Variants in IGSF21 observed in about 807,000 individuals in gnomAD.
IGSF21 encodes immunoglobin superfamily member 21.
In IGSF21, 28 loss-of-function variants were observed where a neutral mutation model predicts 46.8. That is an observed-to-expected ratio of 0.60 (90% confidence interval 0.44 to 0.82). The LOEUF is 0.82. Ranked by LOEUF, IGSF21 falls within the 40% of genes least tolerant of loss-of-function variation. IGSF21 has a pLI of 0.00. For missense variants in IGSF21, 624 were observed against 665.5 expected, an observed-to-expected ratio of 0.94 and a Z score of 0.69; for synonymous variants, 284 against 273.6, an observed-to-expected ratio of 1.04 and a Z score of -0.38.
At chr1:18,186,440 G>A (rs754320392) in intron 1 of IGSF21, among the ~76,000 whole-genome samples, 34 of 152,182 alleles carry the variant, frequency 2.2e-4, no homozygotes, top group African/African-American at 7.2e-4. Context: ...TTCACCCTCC[G>A]TGGCTAGTCA....
At chr1:18,371,162 C>A (rs897390344) in intron 6 of IGSF21, among the ~76,000 whole-genome samples, 1 of 152,150 alleles carries the variant, frequency 6.6e-6, no homozygotes, top group Admixed American at 6.5e-5. Context: ...ATCTAAATGT[C>A]CATAATTAGA....
intron 1 of IGSF21, among the ~76,000 whole-genome samples, chr1:18,183,039 C>G (rs1032593450): frequency 6.6e-6 from 1 of 152,186 alleles, no homozygotes; most frequent in Non-Finnish European, 1.5e-5. Context: ...CACCCTGCCC[C>G]CTCCTGGGCC....
intron 2 of IGSF21, among the ~76,000 whole-genome samples, chr1:18,242,519 G>A (rs971198768): frequency 2.6e-5 from 4 of 152,122 alleles, no homozygotes; most frequent in African/African-American, 9.7e-5. Flanking sequence ...AACAAGTATT[G>A]TCAAGTAGTG....
chr1:18,252,292 A>C (rs1318839470), intron 2 of IGSF21, among the ~76,000 whole-genome samples: 1 of 151,908 alleles, frequency 6.6e-6, no homozygotes, highest in African/African-American at 2.4e-5. Context: ...CTCGCGATCC[A>C]CCCACCTCGG....
At chr1:18,225,085 T>TCTCTCTCTCTCTCTCTCTCTCACACA in intron 1 of IGSF21, among the ~76,000 whole-genome samples, 38 of 51,572 alleles carry the variant, frequency 7.4e-4, no homozygotes, top group East Asian at 2.2e-3. Context: ...TCTCTCTCTC[T>TCTCTCTCTCTCTCTCTCTCTCACACA]CACACACACA....
chr1:18,359,338 A>AAG (rs1195025223), intron 4 of IGSF21, among the ~76,000 whole-genome samples: 11 of 35,336 alleles, frequency 3.1e-4, no homozygotes, highest in African/African-American at 9.6e-4. Flanking sequence ...AAGAGAAAGA[A>AAG]AAAGAAAGAA....
chr1:18,367,025 A>G (rs1038904666), intron 6 of IGSF21, among the ~76,000 whole-genome samples: 1 of 152,084 alleles, frequency 6.6e-6, no homozygotes, highest in African/African-American at 2.4e-5. Flanking sequence ...TGTCCTTTGA[A>G]CCTTGATTTG....
At chr1:18,206,278 G>T (rs762548503) in intron 1 of IGSF21, among the ~76,000 whole-genome samples, 1 of 152,110 alleles carries the variant, frequency 6.6e-6, no homozygotes, top group Non-Finnish European at 1.5e-5. Context: ...GCTGGGTGCC[G>T]TGGCTCATGC....
chr1:18,187,336 T>A (rs4920450), intron 1 of IGSF21, among the ~76,000 whole-genome samples: 147,314 of 152,290 alleles, frequency 0.97, 71,426 homozygotes, highest in East Asian at 1. Flanking sequence ...CCGTTTTCAC[T>A]CTGCTGATAA....
intron 1 of IGSF21, chr1:18,112,268 A>G (rs1432572203): frequency 6.6e-6 from 1 of 152,204 alleles, no homozygotes; most frequent in African/African-American, 2.4e-5. Context: ...ACAAATGCTT[A>G]TTGTACACTA....
chr1:18,376,898 G>A lies in IGSF21; in HGVS notation c.1200G>A (p.Glu400=). ...AEFDGKELVL[E]RVPAELNGSM... ...TCGACGGGAAGGAGCTGGTGCTGGAGCGGGTTCCCGCCGAGCTCAATGGCT... is the reference window on the plus strand; with the variant it reads ...TCGACGGGAAGGAGCTGGTGCTGGAACGGGTTCCCGCCGAGCTCAATGGCT... The change falls in exon 8 of 10, where the codon GAG becomes GAA. Residue 400 remains glutamate (E), a synonymous_variant. Coordinates refer to ENST00000251296, the MANE Select transcript of IGSF21 (RefSeq NM_032880.5). 2 of 1,612,982 alleles carry A rather than the reference G, an allele frequency of 1.2e-6. No homozygotes were observed. Among genetic ancestry groups the A allele is most frequent in the Non-Finnish European group, 1.7e-6 (2 of 1,179,064 alleles).
intron 4 of IGSF21, among the ~76,000 whole-genome samples, chr1:18,352,271 T>G (rs940059037): frequency 6.6e-6 from 1 of 152,192 alleles, no homozygotes; most frequent in Non-Finnish European, 1.5e-5. Flanking sequence ...TTAGTTCACA[T>G]AATTTAGTGG....
chr1:18,149,877 T>C (rs1262456670), intron 1 of IGSF21, among the ~76,000 whole-genome samples: 3 of 152,238 alleles, frequency 2.0e-5, no homozygotes, highest in South Asian at 2.1e-4. Context: ...TGTGGAACTC[T>C]GAGCAGAATG....
chr1:18,261,511 C>T (rs147711877), intron 2 of IGSF21, among the ~76,000 whole-genome samples: 5 of 152,356 alleles, frequency 3.3e-5, no homozygotes, highest in African/African-American at 1.2e-4. Context: ...CTGGAAGTCA[C>T]CACCCTTTTT....
chr1:18,274,718 CT>C (rs2085082771), intron 2 of IGSF21, among the ~76,000 whole-genome samples: 1 of 152,216 alleles, frequency 6.6e-6, no homozygotes, highest in South Asian at 2.1e-4. Context: ...CTCTTTCTTG[CT>C]TAGAACTAGA....
intron 3 of IGSF21, among the ~76,000 whole-genome samples, chr1:18,314,220 G>T (rs573412773): frequency 4.0e-5 from 6 of 151,744 alleles, no homozygotes; most frequent in Admixed American, 3.9e-4. Flanking sequence ...AATTACAGTG[G>T]AACTGAAACC....
At chr1:18,227,837 A>G in intron 1 of IGSF21, 61 bp from the exon 2 acceptor site, 1 of 1,273,262 alleles carries the variant, frequency 7.9e-7, no homozygotes, top group Admixed American at 1.7e-5. Context: ...CCCTGCCCTC[A>G]TCAGCCCAGC....
At chr1:18,267,928 C>T (rs1008901341) in intron 2 of IGSF21, among the ~76,000 whole-genome samples, 4 of 152,228 alleles carry the variant, frequency 2.6e-5, no homozygotes, top group Non-Finnish European at 4.4e-5. Flanking sequence ...ACATTTGGCC[C>T]ATAAAGCTTA....
intron 1 of IGSF21, chr1:18,166,828 G>A (rs1196727573): frequency 6.5e-6 from 1 of 152,688 alleles, no homozygotes; most frequent in Non-Finnish European, 1.5e-5. Context: ...AGTGGAAGAG[G>A]ATTTTCACAG....
Sources: allele counts gnomAD v4.1 joint callset (sites outside exome capture counted in the v4.1 genomes callset), GRCh38; gene constraint gnomAD v4.1.1; transcripts MANE v1.5; gene names NCBI Gene and HGNC (gene_info 2026-07-23, HGNC 2026-07-21).